Variants in ZNF469 observed in about 807,000 individuals in gnomAD.
The protein encoded by ZNF469 is zinc finger protein 469.
In ZNF469, 1 loss-of-function variant was observed where a neutral mutation model predicts 1.0. The observed-to-expected ratio is 1.00, with a 90% confidence interval of 0.35 to 4.73. The LOEUF (loss-of-function observed/expected upper bound fraction) is 4.73. Among genes scored for constraint, ZNF469 ranks in the 30% most tolerant of loss-of-function variants. The pLI, the probability that ZNF469 is intolerant of heterozygous loss-of-function variation, is 0.16. For synonymous variants in ZNF469, 2,703 were observed against 2,363.4 expected, an observed-to-expected ratio of 1.14 and a Z score of -4.17; for missense variants, 6,100 against 5,356.3, an observed-to-expected ratio of 1.14 and a Z score of -4.33.
the ZNF469 span, among the ~76,000 whole-genome samples, chr16:88,102,183 G>T: frequency 6.6e-6 from 1 of 152,010 alleles, no homozygotes; most frequent in Non-Finnish European, 1.5e-5. Flanking sequence ...GAGCAGGAAC[G>T]GGACAGAGGG....
chr16:88,283,718 C>T, the ZNF469 span, among the ~76,000 whole-genome samples: 9 of 152,218 alleles, frequency 5.9e-5, no homozygotes, highest in African/African-American at 2.2e-4. Flanking sequence ...CCGGATGGCC[C>T]ACCAAGGTAG....
the ZNF469 span, among the ~76,000 whole-genome samples, chr16:88,155,533 G>A: frequency 2.0e-5 from 3 of 152,126 alleles, no homozygotes; most frequent in Non-Finnish European, 4.4e-5. Flanking sequence ...TTGCCAGTTC[G>A]GGATGTTTCA....
the ZNF469 span, among the ~76,000 whole-genome samples, chr16:88,297,563 C>G: frequency 6.6e-6 from 1 of 152,162 alleles, no homozygotes; most frequent in African/African-American, 2.4e-5. Context: ...TGCCATGAGC[C>G]CTGCATGCCT....
the ZNF469 span, among the ~76,000 whole-genome samples, chr16:88,107,943 G>A: frequency 2.0e-5 from 3 of 152,244 alleles, no homozygotes; most frequent in Admixed American, 6.5e-5. Context: ...TGAGGGCTGA[G>A]GTGCCCTCCC....
At chr16:88,313,319 A>T in the ZNF469 span, among the ~76,000 whole-genome samples, 1 of 152,342 alleles carries the variant, frequency 6.6e-6, no homozygotes, top group East Asian at 1.9e-4. Flanking sequence ...CAGATATGTA[A>T]TCATATCAAC....
intron 1 of ZNF469, among the ~76,000 whole-genome samples, chr16:88,393,172 C>T (rs1024100172): frequency 2.0e-5 from 3 of 152,270 alleles, no homozygotes; most frequent in African/African-American, 7.2e-5. Context: ...CGGACCAGCC[C>T]GTGTGCATTC....
the ZNF469 span, among the ~76,000 whole-genome samples, chr16:88,170,792 G>A: frequency 8.5e-5 from 13 of 152,138 alleles, no homozygotes; most frequent in African/African-American, 2.9e-4. This position sits in a 1 kb window ranked among gnomAD's most constrained non-coding sequence, Gnocchi z 4.2. Context: ...TGATGGGGTT[G>A]CAGGATCATA....
chr16:88,433,773 T>A lies in ZNF469; in HGVS notation c.6303T>A (p.Asp2101Glu), dbSNP rs1393295095. Reference sequence around the variant, plus strand: ...ACAAGCCACTGCTGGCCACAGGGGATAGCCCAGCACCCTCTGTCGGGGACC... The same window carrying A: ...ACAAGCCACTGCTGGCCACAGGGGAAAGCCCAGCACCCTCTGTCGGGGACC... ...GLNKPLLATG[D>E]SPAPSVGDLA... is the part of the protein sequence containing the mutation. The change falls in exon 3 of 3, where the codon GAT becomes GAA. Residue 2101 changes from aspartate (D) to glutamate (E), a missense_variant. By Grantham distance (45) the Asp-to-Glu change is conservative. Transcript: ENST00000565624. The A allele has an allele frequency of 1.3e-5, 20 of 1,549,498 alleles. No individual in the cohort carries two copies. The Admixed American group carries it at 2.4e-4, about 18-fold the overall frequency.
chr16:88,379,497 C>T (rs747448824), upstream of ZNF469, among the ~76,000 whole-genome samples: 14 of 152,200 alleles, frequency 9.2e-5, no homozygotes, highest in Admixed American at 2.0e-4. Context: ...GGGGAAGAGG[C>T]GCTGCCAGGG....
At chr16:88,371,599 T>C in the ZNF469 span, among the ~76,000 whole-genome samples, 2 of 152,194 alleles carry the variant, frequency 1.3e-5, no homozygotes, top group African/African-American at 4.8e-5. Flanking sequence ...AGTCATGCTA[T>C]GGACAAAATG....
the ZNF469 span, among the ~76,000 whole-genome samples, chr16:88,203,101 G>A: frequency 6.6e-6 from 1 of 152,114 alleles, no homozygotes; most frequent in South Asian, 2.1e-4. Flanking sequence ...AGGAAGGGCA[G>A]AAGGGCCGGG....
At chr16:88,332,867 C>T in the ZNF469 span, among the ~76,000 whole-genome samples, 4 of 152,192 alleles carry the variant, frequency 2.6e-5, no homozygotes, top group African/African-American at 9.7e-5. Context: ...ACCAAGGCCC[C>T]GGGTTGCCCC....
chr16:88,227,466 GTCTCCCCA>G, the ZNF469 span, among the ~76,000 whole-genome samples: 1 of 151,300 alleles, frequency 6.6e-6, no homozygotes, highest in Non-Finnish European at 1.5e-5. Flanking sequence ...GCTTCTCCCT[GTCTCCCCA>G]TCTCCCTGTC....
the ZNF469 span, among the ~76,000 whole-genome samples, chr16:88,121,603 A>C: frequency 6.6e-6 from 1 of 152,320 alleles, no homozygotes. Context: ...GTGAGAGTTG[A>C]GTAGGCAAAA....
chr16:88,159,478 C>T, the ZNF469 span, among the ~76,000 whole-genome samples: 13 of 152,088 alleles, frequency 8.5e-5, no homozygotes, highest in East Asian at 7.7e-4. Flanking sequence ...ATGTGGTGCA[C>T]GGAAGCGCTT....
At position 88,434,450 on chromosome 16, in the gene ZNF469, C is replaced by G; in HGVS notation, c.6980C>G (p.Ser2327Cys). ...TNPDRMPRGH[S>C]SYSPSNTARL... ...CCTGACAGGATGCCCAGGGGCCACT[C>G]CTCGTATTCTCCAAGCAATACTGCC... The change falls in exon 3 of 3, where the codon TCC (serine) becomes TGC (cysteine). Residue 2327 changes from serine (S) to cysteine (C), a missense_variant. Physicochemically the swap from Ser to Cys is moderately radical, Grantham distance 112. Coordinates refer to ENST00000565624, the MANE Select transcript of ZNF469 (RefSeq NM_001367624.2). 6.5e-7 allele frequency: 1 copy of G among 1,549,586 alleles called. No individual in the cohort carries two copies. The highest frequency in any genetic ancestry group is 8.7e-7 in the Non-Finnish European group (1 of 1,146,818).
chr16:88,287,123 T>C, the ZNF469 span, among the ~76,000 whole-genome samples: 1 of 152,258 alleles, frequency 6.6e-6, no homozygotes, highest in African/African-American at 2.4e-5. Context: ...TATGCTGTTC[T>C]GTGACTTGCT....
At chr16:88,268,832 A>AT in the ZNF469 span, among the ~76,000 whole-genome samples, 4 of 152,010 alleles carry the variant, frequency 2.6e-5, no homozygotes, top group African/African-American at 9.7e-5. Flanking sequence ...TGTGTGGAAA[A>AT]CGTGCAGCCC....
chr16:88,151,196 C>T, the ZNF469 span, among the ~76,000 whole-genome samples: 1 of 152,160 alleles, frequency 6.6e-6, no homozygotes, highest in Non-Finnish European at 1.5e-5. This position sits in a 1 kb window ranked among gnomAD's most constrained non-coding sequence, Gnocchi z 5.4. Context: ...CCTCAGGGGC[C>T]GCCTGGGGAC....
Sources: allele counts gnomAD v4.1 joint callset (sites outside exome capture counted in the v4.1 genomes callset), GRCh38; gene constraint gnomAD v4.1.1; non-coding constraint Gnocchi (gnomAD v3.1); transcripts MANE v1.5; gene names NCBI Gene and HGNC (gene_info 2026-07-23, HGNC 2026-07-21).